The following IFT80 variants were observed in gnomAD, a reference collection of about 807,000 sequenced individuals.
IFT80 encodes the protein intraflagellar transport protein 80 homolog.
Under a neutral mutation model 107.9 loss-of-function variants are expected in IFT80, and 79 were observed. That is an observed-to-expected ratio of 0.73 (90% CI 0.61 to 0.88). The LOEUF is 0.88. IFT80 is among the 40% of genes least tolerant of loss of function. The pLI, the probability that IFT80 is intolerant of heterozygous loss-of-function variation, is 0.00. For synonymous variants in IFT80, 299 were observed against 300.9 expected (o/e 0.99, Z 0.07); for missense variants, 797 against 914.2 (o/e 0.87, Z 1.65).
chr3:160,260,372 G>A (rs1712725087), intron 19 of IFT80, among the ~76,000 whole-genome samples: 1 of 152,142 alleles, frequency 6.6e-6, no homozygotes, highest in African/African-American at 2.4e-5. Context: ...AACACTTATA[G>A]AGAAGACGAA....
At chr3:160,348,393 T>C (rs1408423210) in intron 8 of IFT80, among the ~76,000 whole-genome samples, 2 of 152,196 alleles carry the variant, frequency 1.3e-5, no homozygotes, top group African/African-American at 2.4e-5. Flanking sequence ...GGAATAACAA[T>C]AGCAGAACAG....
intron 8 of IFT80, among the ~76,000 whole-genome samples, chr3:160,322,977 T>G (rs1322267743): frequency 6.6e-6 from 1 of 152,028 alleles, no homozygotes; most frequent in Non-Finnish European, 1.5e-5. Context: ...TTTCTCCCAT[T>G]TTGTAGGTTG....
At chr3:160,342,126 G>A (rs1413401517) in intron 8 of IFT80, among the ~76,000 whole-genome samples, 4 of 152,204 alleles carry the variant, frequency 2.6e-5, no homozygotes, top group Middle Eastern at 6.8e-3. Context: ...CAGGATGTCC[G>A]ATGCCCATGG....
chr3:160,377,893 A>G (rs1000286445), intron 3 of IFT80: 5 of 160,208 alleles, frequency 3.1e-5, no homozygotes, highest in Admixed American at 2.6e-4. Flanking sequence ...TACCACACCT[A>G]TGGATGAGAA....
intron 12 of IFT80, among the ~76,000 whole-genome samples, chr3:160,290,551 C>T (rs915692336): frequency 2.0e-5 from 3 of 151,072 alleles, no homozygotes; most frequent in Non-Finnish European, 4.4e-5. Flanking sequence ...TTAAAACAAG[C>T]TTTGGTGTTT....
chr3:160,378,915 T>A (rs577998316), intron 3 of IFT80, among the ~76,000 whole-genome samples: 1 of 152,090 alleles, frequency 6.6e-6, no homozygotes, highest in Non-Finnish European at 1.5e-5. Flanking sequence ...TAGTAATAAA[T>A]GACTCAGCCA....
At chr3:160,343,836 A>G (rs1425501090) in intron 8 of IFT80, 5 of 299,200 alleles carry the variant, frequency 1.7e-5, no homozygotes, top group Non-Finnish European at 3.3e-5. Flanking sequence ...AACAGAATTT[A>G]TTTTATTTAT....
At chr3:160,345,134 C>G (rs541107453) in intron 8 of IFT80, among the ~76,000 whole-genome samples, 36 of 152,150 alleles carry the variant, frequency 2.4e-4, no homozygotes, top group Admixed American at 5.9e-4. Context: ...AGAGCTATCT[C>G]CATGTTTGTT....
At chr3:160,354,208 A>C (rs1004052819) in intron 8 of IFT80, among the ~76,000 whole-genome samples, 6 of 152,208 alleles carry the variant, frequency 3.9e-5, no homozygotes, top group Non-Finnish European at 7.3e-5. Flanking sequence ...TCCTTAAGTG[A>C]TTAGATGGGA....
chr3:160,289,153 T>G (rs1167137387), intron 12 of IFT80, among the ~76,000 whole-genome samples: 1 of 152,238 alleles, frequency 6.6e-6, no homozygotes, highest in African/African-American at 2.4e-5. Context: ...TCATGTTCTT[T>G]GTGGGAACGT....
intron 6 of IFT80, among the ~76,000 whole-genome samples, chr3:160,361,967 C>A (rs1463734830): frequency 6.6e-6 from 1 of 152,052 alleles, no homozygotes; most frequent in Non-Finnish European, 1.5e-5. Flanking sequence ...ATTAAAAGAA[C>A]TAGAGAAACA....
chr3:160,392,664 C>G (rs1018506698), intron 1 of IFT80, among the ~76,000 whole-genome samples: 3 of 152,184 alleles, frequency 2.0e-5, no homozygotes, highest in African/African-American at 7.2e-5. Context: ...CCACTATGAC[C>G]GCAATCCAAG....
chr3:160,270,765 G>A (rs1303896550), intron 18 of IFT80, among the ~76,000 whole-genome samples: 1 of 152,136 alleles, frequency 6.6e-6, no homozygotes, highest in Non-Finnish European at 1.5e-5. Context: ...CTAAGGCTCT[G>A]ATTCCAGTTG....
chr3:160,297,439 C>T (rs1257237466), intron 12 of IFT80, among the ~76,000 whole-genome samples: 1 of 151,770 alleles, frequency 6.6e-6, no homozygotes, highest in African/African-American at 2.4e-5. Context: ...AAAAATTGGA[C>T]AACATATATA....
rs529674708 is a variant in IFT80, at chr3:160,342,923, A to G, written c.777+13090T>C. ...AAAGATAATTTGGGCCCATGGAAAC[A>G]GTATCGTGGTTTGTGCCAAAATCCA... On this transcript the variant is annotated intron_variant, in intron 8 of 19. Transcript: ENST00000326448. 3 of 153,552 alleles carry G rather than the reference A, an allele frequency of 2.0e-5. No homozygotes were observed. The South Asian group carries it at 5.7e-4, about 29-fold the overall frequency. 9.5% of individuals were successfully genotyped at this position (153,552 alleles called of 1,614,324 possible).
intron 19 of IFT80, 76 bp downstream of exon 19, chr3:160,268,337 T>G: frequency 4.2e-5 from 54 of 1,273,250 alleles, no homozygotes; most frequent in Non-Finnish European, 5.3e-5. Flanking sequence ...ATCATTCACA[T>G]TTTGTCTCAT....
chr3:160,323,873 G>A (rs545774133), intron 8 of IFT80, among the ~76,000 whole-genome samples: 1 of 152,014 alleles, frequency 6.6e-6, no homozygotes, highest in African/African-American at 2.4e-5. Flanking sequence ...AAAACTGATA[G>A]ACCACTAGCA....
At chr3:160,357,637 T>C in intron 6 of IFT80, 59 bp from the exon 7 acceptor site, 1 of 1,114,690 alleles carries the variant, frequency 9.0e-7, no homozygotes, top group South Asian at 1.3e-5. Context: ...AGTTTTTTTC[T>C]GTAAGAAATA....
chr3:160,291,334 C>T lies in IFT80; in HGVS notation c.1316-5466G>A, dbSNP rs144469075. Among the ~76,000 whole-genome samples, 882 of 152,312 alleles carry T rather than the reference C, an allele frequency of 5.8e-3. 3 individuals are homozygous for T. The highest frequency in any genetic ancestry group is 8.0e-3 in the Non-Finnish European group (541 of 68,032). On this transcript the variant is annotated intron_variant, in intron 12 of 19. Transcript: ENST00000326448. The stretch of plus-strand genomic sequence containing the variant: ...TGGAGACACATTCTACTAGGAAAGG[C>T]AATGCCCAGAAGAGTTTCATAATAA...
Sources: allele counts gnomAD v4.1 joint callset (sites outside exome capture counted in the v4.1 genomes callset), GRCh38; gene constraint gnomAD v4.1.1; transcripts MANE v1.5; gene names NCBI Gene and HGNC (gene_info 2026-07-23, HGNC 2026-07-21).